The following ZNF568 variants were observed in gnomAD, a reference collection of about 807,000 sequenced individuals.
ZNF568 encodes the protein p53 inhibitor of SCO2 activation.
A neutral mutation model predicts 18.1 loss-of-function variants in ZNF568; 11 were observed. That is an observed-to-expected ratio of 0.61 (90% CI 0.38 to 1.00). ZNF568 has a LOEUF of 1.00. Among genes scored for constraint, ZNF568 ranks in the 50% least tolerant of loss-of-function variants. The pLI, the probability that ZNF568 is intolerant of heterozygous loss-of-function variation, is 0.01. For synonymous variants in ZNF568, 213 were observed against 246.6 expected, an observed-to-expected ratio of 0.86 and a Z score of 1.28; for missense variants, 639 against 768.2, an observed-to-expected ratio of 0.83 and a Z score of 1.99.
downstream of ZNF568, among the ~76,000 whole-genome samples, chr19:36,981,383 G>A: frequency 6.6e-6 from 1 of 152,142 alleles, no homozygotes. Flanking sequence ...GATTTATAAT[G>A]CATTAAACCT....
chr19:36,957,219 C>CTTTT (rs56712509), downstream of ZNF568, among the ~76,000 whole-genome samples: 14 of 69,568 alleles, frequency 2.0e-4, no homozygotes, highest in Non-Finnish European at 2.3e-4. Flanking sequence ...CCAGACTGTT[C>CTTTT]TTTTTTTTTT....
In ZNF568 at chr19:36,951,237, G is replaced by T; in HGVS notation, c.*149G>T. 1.4e-6 allele frequency: 1 copy of T among 692,042 alleles called. No individual in the cohort carries two copies. The highest frequency in any genetic ancestry group is 2.1e-6 in the Non-Finnish European group (1 of 480,486). The allele number at this position is 692,042 out of a possible 1,614,324, so 42.9% of individuals were successfully genotyped here. ...AATGGAAAGAAATACCATATACATAGATGGAAAAACCCAGTATTATAAAAA... is the reference window on the plus strand; with the variant it reads ...AATGGAAAGAAATACCATATACATATATGGAAAAACCCAGTATTATAAAAA... On this transcript the variant is annotated 3_prime_UTR_variant, in exon 7 of 7. Coordinates refer to ENST00000333987, the MANE Select transcript of ZNF568 (RefSeq NM_198539.4).
chr19:36,962,404 A>G (rs1049179087), intron 6 of ZNF568, among the ~76,000 whole-genome samples: 3 of 139,664 alleles, frequency 2.1e-5, no homozygotes, highest in Non-Finnish European at 3.0e-5. Flanking sequence ...GTAGTGGTGT[A>G]ATCTTGGATC....
chr19:36,989,182 T>TTTTA (rs2074402112), intron 2 of ZNF568, among the ~76,000 whole-genome samples: 1 of 152,204 alleles, frequency 6.6e-6, no homozygotes, highest in South Asian at 2.1e-4. Context: ...CTGCTATCTC[T>TTTTA]TTTATTGATT....
At position 36,951,400 on chromosome 19, in the gene ZNF568, T is replaced by C. The variant is rs548028853; in HGVS notation, c.*312T>C. 19 of 198,778 alleles carry C rather than the reference T, an allele frequency of 9.6e-5. 1 individual carries two copies. In the South Asian group the frequency reaches 3.0e-3, roughly 31 times the overall value. The allele number at this position is 198,778 out of a possible 1,614,324, so 12.3% of individuals were successfully genotyped here. ...ATTGCTGCGACAATTTTGAAAAGAA[T>C]AGAGGAAACACCCTCACTGTATGAT... On this transcript the variant is annotated 3_prime_UTR_variant, in exon 7 of 7. Coordinates refer to ENST00000333987, the MANE Select transcript of ZNF568 (RefSeq NM_198539.4).
At chr19:36,940,386 C>A (rs893729724) in intron 6 of ZNF568, among the ~76,000 whole-genome samples, 3 of 152,180 alleles carry the variant, frequency 2.0e-5, no homozygotes, top group Non-Finnish European at 4.4e-5. Context: ...CATTCTATTA[C>A]ACGTCTACCA....
intron 2 of ZNF568, among the ~76,000 whole-genome samples, chr19:36,985,343 C>T (rs987205591): frequency 6.6e-6 from 1 of 152,074 alleles, no homozygotes; most frequent in Non-Finnish European, 1.5e-5. Flanking sequence ...TAATTTTTGG[C>T]ATTATCTGTA....
intron 4 of ZNF568, among the ~76,000 whole-genome samples, chr19:36,935,017 A>C (rs1052943353): frequency 6.6e-6 from 1 of 150,974 alleles, no homozygotes; most frequent in African/African-American, 2.4e-5. Flanking sequence ...ACATAATTAT[A>C]GTTCACTATA....
At chr19:36,978,866 G>A (rs1375239635) in intron 7 of ZNF568, 1 of 227,976 alleles carries the variant, frequency 4.4e-6, no homozygotes, top group East Asian at 1.7e-4. Context: ...CCTTTCTCTG[G>A]GTTCTACTGA....
downstream of ZNF568, among the ~76,000 whole-genome samples, chr19:36,983,791 T>C (rs1270893867): frequency 6.6e-6 from 1 of 152,010 alleles, no homozygotes; most frequent in African/African-American, 2.4e-5. Context: ...AAAATTATCC[T>C]TTTCTAACTG....
At chr19:36,946,739 G>A (rs567796) in intron 6 of ZNF568, among the ~76,000 whole-genome samples, 52,549 of 140,564 alleles carry the variant, frequency 0.37, 9,657 homozygotes, top group African/African-American at 0.43. Flanking sequence ...CACAACCTCC[G>A]CCTCCCAGGT....
At chr19:36,959,557 A>G (rs1447173686) in intron 6 of ZNF568, among the ~76,000 whole-genome samples, 14 of 151,978 alleles carry the variant, frequency 9.2e-5, no homozygotes, top group Non-Finnish European at 8.8e-5. Context: ...CTCCTCTTTT[A>G]TTTTTTGAAA....
chr19:36,991,843 C>G lies in ZNF568; in HGVS notation c.226C>G (p.Pro76Ala), dbSNP rs770011962. ...GAGGAAGGAGACAAAAGAATGGTGT[C>G]CAGGTGAGTGACGATGAACTGGAAT... The change falls in exon 4 of 5, where the codon CCA (proline) becomes GCA (alanine). Residue 76 changes from proline to alanine, a missense_variant. Transcript: ENST00000433993. The G allele has an allele frequency of 3.7e-5, 58 of 1,567,808 alleles. No homozygotes were observed. The highest frequency in any genetic ancestry group is 4.6e-5 in the Non-Finnish European group (54 of 1,163,380).
At chr19:36,949,490 A>C in intron 6 of ZNF568, 22 bp from the exon 7 acceptor site, 2 of 1,537,128 alleles carry the variant, frequency 1.3e-6, no homozygotes, top group Non-Finnish European at 1.7e-6. Context: ...CACAAGTAAT[A>C]ATTTCTGGTC....
chr19:36,939,687 G>A (rs749426944), intron 6 of ZNF568, among the ~76,000 whole-genome samples: 6 of 151,644 alleles, frequency 4.0e-5, no homozygotes, highest in Admixed American at 6.6e-5. Flanking sequence ...CTACAGGCAC[G>A]CGTGACCATG....
rs761847542 is a variant in ZNF568 at position 36,949,964 on chromosome 19, A to G, written c.811A>G (p.Ile271Val). ...RKENLITHQKIHTGEKPYKCN... is the reference protein window; with the variant it reads ...RKENLITHQKVHTGEKPYKCN... ...GGAAAATCTTATTACACATCAGAAA[A>G]TTCATACTGGGGAAAAACCGTATAA... is the stretch of plus-strand genomic sequence containing the variant. The change falls in exon 7 of 7, where the codon ATT becomes GTT. Residue 271 changes from isoleucine to valine, a missense_variant. By Grantham distance (29) the Ile-to-Val change is conservative. Coordinates refer to ENST00000333987, the MANE Select transcript of ZNF568 (RefSeq NM_198539.4). The G allele has an allele frequency of 1.2e-5, 19 of 1,613,820 alleles. No individual in the cohort carries two copies. The African/African-American group carries it at 2.5e-4, about 22-fold the overall frequency.
rs2305266 is a variant in ZNF568 at position 36,974,408 on chromosome 19, T to A, written c.359-12T>A. ...GATGGCTTCTTAACGTTTTTCCACA[T>A]CTTTCTTTAAGAACCCAGAAGAGGA... On this transcript the variant is annotated splice_polypyrimidine_tract_variant and intron_variant, in intron 6 of 7. Coordinates refer to the ZNF568 transcript ENST00000427117. 5,663 of 1,535,948 alleles carry A rather than the reference T, an allele frequency of 3.7e-3. 184 individuals are homozygous for A. The Admixed American group carries it at 0.058, about 16-fold the overall frequency.
intron 6 of ZNF568, chr19:36,973,900 G>C (rs536404395): frequency 6.5e-6 from 1 of 153,472 alleles, no homozygotes; most frequent in East Asian, 1.9e-4. Flanking sequence ...CCCCAACTGA[G>C]ACTAGTCAGT....
chr19:36,955,014 G>C (rs2074097065), downstream of ZNF568, among the ~76,000 whole-genome samples: 1 of 151,954 alleles, frequency 6.6e-6, no homozygotes, highest in Non-Finnish European at 1.5e-5. Flanking sequence ...TGAGTAGCTG[G>C]GGCTACAAGC....
Sources: gnomAD v4.1 joint callset for allele counts (sites outside exome capture counted in the v4.1 genomes callset) on GRCh38, gnomAD v4.1.1 for gene constraint, MANE v1.5 for transcripts, NCBI Gene and HGNC (gene_info 2026-07-23, HGNC 2026-07-21) for gene names.